Variants in KLHDC3 observed in about 807,000 individuals in gnomAD.
KLHDC3 encodes kelch domain containing 3.
KLHDC3 carries 5 observed loss-of-function variants against 44.1 expected under a neutral mutation model. The ratio of observed to expected loss-of-function variants is 0.11; its 90% CI spans 0.06 to 0.24. KLHDC3 has a LOEUF of 0.24. Among genes scored for constraint, KLHDC3 ranks in the 10% least tolerant of loss-of-function variants. KLHDC3 has a pLI of 1.00. For missense variants in KLHDC3, 247 were observed against 514.3 expected (o/e 0.48, Z 5.03); for synonymous variants, 170 against 189.0 (o/e 0.90, Z 0.82).
Position 43,017,770 on chromosome 6 carries a change from G to A in KLHDC3, c.331+75G>A, listed in dbSNP as rs1373462651. 9 of 1,591,572 alleles carry A rather than the reference G, an allele frequency of 5.7e-6. No individual in the cohort carries two copies. The highest frequency in any genetic ancestry group is 1.7e-4 in the Middle Eastern group (1 of 6,044). On this transcript the variant is annotated intron_variant, in intron 3 of 10. Coordinates refer to ENST00000326974, the MANE Select transcript of KLHDC3 (RefSeq NM_057161.4). The surrounding 1 kb of genome is among the most constrained non-coding windows in gnomAD (Gnocchi z 6.0). ...TGCCCAAGAAAGGTTTGGGTTGGGG[G>A]TCTTGGGGAGTAGAGTACCCCAGAG...
chr6:43,019,533 A>G (rs1365061170), intron 10 of KLHDC3, among the ~76,000 whole-genome samples, 167 bp downstream of exon 10: 2 of 152,200 alleles, frequency 1.3e-5, no homozygotes, highest in Non-Finnish European at 2.9e-5. Context: ...GACAGCCATC[A>G]TATAAAACTG....
Position 43,018,322 on chromosome 6 carries a change from C to T in KLHDC3, c.520-21C>T, listed in dbSNP as rs926943499. On this transcript the variant is annotated intron_variant, in intron 5 of 10. Transcript: ENST00000326974. The surrounding 1 kb of genome is among the most constrained non-coding windows in gnomAD (Gnocchi z 6.0). ...CCAGTCTTTGTGCTGACCCCTCCAC[C>T]ATCTCTCTGCCTCTGCCCAGGGCAG... is the stretch of plus-strand genomic sequence containing the variant. 6.2e-7 allele frequency: 1 copy of T among 1,608,468 alleles called. No homozygotes were observed. The highest frequency in any genetic ancestry group is 1.3e-5 in the African/African-American group (1 of 74,814).
chr6:43,021,067 T>C lies in KLHDC3; in HGVS notation c.*334T>C, dbSNP rs1561860656. On this transcript the variant is annotated 3_prime_UTR_variant, in exon 11 of 11. Transcript: ENST00000326974. ...GGAGAAGGGAGAAGCAAGCAGTGTC[T>C]GAGCCTCAGGAGCTTCCCCCTCCCC... The C allele has an allele frequency of 2.0e-6, 1 of 506,212 alleles. No homozygotes were observed. The highest frequency in any genetic ancestry group is 1.5e-5 in the South Asian group (1 of 65,030). The allele number at this position is 506,212 out of a possible 1,614,324, so 31.4% of individuals were successfully genotyped here.
At position 43,017,144 on chromosome 6, in the gene KLHDC3, C is replaced by T; in HGVS notation, c.-49C>T. On this transcript the variant is annotated 5_prime_UTR_variant, in exon 2 of 11. Transcript: ENST00000326974. This position sits in a 1 kb window ranked among gnomAD's most constrained non-coding sequence, Gnocchi z 6.0. ...CCAATTTGTGTGCAGATAGCAGAGG[C>T]AGCAGGCCGTGCCGGGGGGGCATGT... is the stretch of plus-strand genomic sequence containing the variant. 6.3e-7 allele frequency: 1 copy of T among 1,584,614 alleles called. No individual in the cohort carries two copies. The highest frequency in any genetic ancestry group is 1.1e-5 in the South Asian group (1 of 88,046).
At chr6:43,014,634 T>A in intron 1 of KLHDC3, 1 of 456,326 alleles carries the variant, frequency 2.2e-6, no homozygotes, top group South Asian at 1.5e-5. Context: ...GGGAGGGGTG[T>A]CTGGCGTGGT....
At position 43,021,270 on chromosome 6, in the gene KLHDC3, A is replaced by T. The variant is rs1274022914; in HGVS notation, c.*537A>T. The stretch of plus-strand genomic sequence containing the variant: ...CTGAAGTTCAGCCAGCTCAGATTTT[A>T]TAAAAATTAATTAAAATCTCCAAAC... On this transcript the variant is annotated 3_prime_UTR_variant, in exon 11 of 11. Coordinates refer to ENST00000326974, the MANE Select transcript of KLHDC3 (RefSeq NM_057161.4). 1 of 363,484 alleles carries T rather than the reference A, an allele frequency of 2.8e-6. No individual in the cohort carries two copies. The highest frequency in any genetic ancestry group is 7.5e-5 in the East Asian group (1 of 13,276). The allele number at this position is 363,484 out of a possible 1,614,324, so 22.5% of individuals were successfully genotyped here.
rs17856310 is a variant in KLHDC3 at position 43,020,716 on chromosome 6, G to T, written c.1132G>T (p.Val378Phe). 2 of 1,613,834 alleles carry T rather than the reference G, an allele frequency of 1.2e-6. No individual in the cohort carries two copies. Among genetic ancestry groups the T allele is most frequent in the Non-Finnish European group, 1.7e-6 (2 of 1,179,826 alleles). The change falls in exon 11 of 11, where the codon GTC (valine) becomes TTC (phenylalanine). Residue 378 changes from valine (V) to phenylalanine (F), a missense_variant. Physicochemically the swap from Val to Phe is conservative, Grantham distance 50. Transcript: ENST00000326974. ...CAACAGCAATATCAGTCGCCCCATC[G>T]TCTCCTCCCATGGGTAGGAGGAAGT... ...TTNSNISRPI[V>F]SSHG
chr6:43,014,883 A>G (rs1006854541), intron 1 of KLHDC3, among the ~76,000 whole-genome samples: 3 of 152,202 alleles, frequency 2.0e-5, no homozygotes, highest in Admixed American at 2.0e-4. Context: ...GCGGGTAGAT[A>G]CATTAAGGGA....
chr6:43,015,195 T>G (rs1581874168), intron 1 of KLHDC3, among the ~76,000 whole-genome samples: 1 of 152,008 alleles, frequency 6.6e-6, no homozygotes, highest in African/African-American at 2.4e-5. Flanking sequence ...CAAGATATTT[T>G]GGAGAGCGGG....
chr6:43,020,467 A>G (rs546006706), intron 10 of KLHDC3, among the ~76,000 whole-genome samples, 200 bp from the exon 11 acceptor site: 4 of 152,260 alleles, frequency 2.6e-5, no homozygotes, highest in Admixed American at 2.6e-4. Context: ...GCTTGGAGGT[A>G]GAGGAGTGGG....
At chr6:43,016,564 G>A (rs1273167030) in intron 1 of KLHDC3, 2 of 152,388 alleles carry the variant, frequency 1.3e-5, no homozygotes, top group East Asian at 3.9e-4. Flanking sequence ...GCGGTAACAT[G>A]GAGGTCCCTG....
At chr6:43,016,919 C>G (rs1282569192) in intron 1 of KLHDC3, 1 of 484,478 alleles carries the variant, frequency 2.1e-6, no homozygotes, top group Non-Finnish European at 3.7e-6. Flanking sequence ...CCACCCTTCA[C>G]TGTTGGAGAA....
rs760811335 is a variant in KLHDC3, at chr6:43,021,221, C to A, written c.*488C>A. The A allele has an allele frequency of 3.0e-5, 12 of 401,512 alleles. No homozygotes were observed. Among genetic ancestry groups the A allele is most frequent in the Non-Finnish European group, 5.5e-5 (11 of 200,898 alleles). 24.9% of individuals were successfully genotyped at this position (401,512 alleles called of 1,614,324 possible). Reference sequence around the variant, plus strand: ...GTGGGGACCAGCAGATAAATCCCACCCTTCCTTGAGCTGTCGCTGTACTCT... The same window carrying A: ...GTGGGGACCAGCAGATAAATCCCACACTTCCTTGAGCTGTCGCTGTACTCT... On this transcript the variant is annotated 3_prime_UTR_variant, in exon 11 of 11. Coordinates refer to ENST00000326974, the MANE Select transcript of KLHDC3 (RefSeq NM_057161.4).
Position 43,017,540 on chromosome 6 carries a change from T to C in KLHDC3, c.176T>C (p.Leu59Pro). 6.2e-7 allele frequency: 1 copy of C among 1,605,064 alleles called. No homozygotes were observed. Among genetic ancestry groups the C allele is most frequent in the Non-Finnish European group, 8.5e-7 (1 of 1,174,604 alleles). Residue 59 changes from leucine (L) to proline (P), a missense_variant, in exon 3 of 11, where the codon CTG becomes CCG. This residue lies in a region of KLHDC3 where 71 missense variants were observed against 100.8 expected (regional missense o/e 0.70). Coordinates refer to ENST00000326974, the MANE Select transcript of KLHDC3 (RefSeq NM_057161.4). This position sits in a 1 kb window ranked among gnomAD's most constrained non-coding sequence, Gnocchi z 6.0. ...ACAGTGTCCTTGCGTTGGACAAAGC[T>C]GCCCCCGGTGAAGTCTGCCATCCGT... Reference protein sequence around the residue: ...FNAVSLRWTKLPPVKSAIRGQ... With the variant: ...FNAVSLRWTKPPPVKSAIRGQ...
rs1030424339 is a variant in KLHDC3 at position 43,018,072 on chromosome 6, G to A, written c.448-73G>A. On this transcript the variant is annotated intron_variant, in intron 4 of 10. Transcript: ENST00000326974. This position sits in a 1 kb window ranked among gnomAD's most constrained non-coding sequence, Gnocchi z 6.0. Reference sequence around the variant, plus strand: ...AGGCTTTGGCTTGTTTGCAGGTTTTGAGGGGAGGGATGGAGGGTCAGAGAG... The same window carrying A: ...AGGCTTTGGCTTGTTTGCAGGTTTTAAGGGGAGGGATGGAGGGTCAGAGAG... The A allele has an allele frequency of 5.6e-6, 8 of 1,435,006 alleles. No homozygotes were observed. Among genetic ancestry groups the A allele is most frequent in the Non-Finnish European group, 7.9e-6 (8 of 1,017,344 alleles). The allele number at this position is 1,435,006 out of a possible 1,614,324, so 88.9% of individuals were successfully genotyped here.
rs1261341751 is a variant in KLHDC3 at position 43,017,703 on chromosome 6, T to C, written c.331+8T>C. 2 of 1,609,500 alleles carry C rather than the reference T, an allele frequency of 1.2e-6. No individual in the cohort carries two copies. Among genetic ancestry groups the C allele is most frequent in the Non-Finnish European group, 8.5e-7 (1 of 1,176,926 alleles). On this transcript the variant is annotated splice_region_variant and intron_variant, in intron 3 of 10. Transcript: ENST00000326974. This position sits in a 1 kb window ranked among gnomAD's most constrained non-coding sequence, Gnocchi z 6.0. ...TCTATGCCTTTGACGTCAGTGAGTA[T>C]GGATCTCAGAGAGGCTATGTCCTTC... is the stretch of plus-strand genomic sequence containing the variant.
At position 43,018,139 on chromosome 6, in the gene KLHDC3, A is replaced by G. The variant is rs763306384; in HGVS notation, c.448-6A>G. ...CTTTTCTTCCTCCTTTTCTCTTCCTACTCAGGCGGACTGTTTTTCCAATGA... is the reference window on the plus strand; with the variant it reads ...CTTTTCTTCCTCCTTTTCTCTTCCTGCTCAGGCGGACTGTTTTTCCAATGA... On this transcript the variant is annotated splice_region_variant and splice_polypyrimidine_tract_variant and intron_variant, in intron 4 of 10. Transcript: ENST00000326974. The surrounding 1 kb of genome is among the most constrained non-coding windows in gnomAD (Gnocchi z 6.0). 7.5e-6 allele frequency: 12 copies of G among 1,599,140 alleles called. No individual in the cohort carries two copies. The highest frequency in any genetic ancestry group is 1.7e-4 in the Middle Eastern group (1 of 6,048).
chr6:43,020,466 T>TA (rs1762665126), intron 10 of KLHDC3, among the ~76,000 whole-genome samples: 1 of 151,804 alleles, frequency 6.6e-6, no homozygotes, highest in Admixed American at 6.6e-5. Flanking sequence ...AGCTTGGAGG[T>TA]AGAGGAGTGG....
chr6:43,018,620 T>A lies in KLHDC3; in HGVS notation c.734-13T>A. 1 of 1,613,428 alleles carries A rather than the reference T, an allele frequency of 6.2e-7. No individual in the cohort carries two copies. Among genetic ancestry groups the A allele is most frequent in the Non-Finnish European group, 8.5e-7 (1 of 1,179,406 alleles). ...CCCTCTTCACACTCCTGACACTTCC[T>A]CTCTCCTTCCAGTTGGCTACAATGG... On this transcript the variant is annotated splice_polypyrimidine_tract_variant and intron_variant, in intron 6 of 10. Coordinates refer to ENST00000326974, the MANE Select transcript of KLHDC3 (RefSeq NM_057161.4). The surrounding 1 kb of genome is among the most constrained non-coding windows in gnomAD (Gnocchi z 6.0).
Sources: allele counts gnomAD v4.1 joint callset (sites outside exome capture counted in the v4.1 genomes callset), GRCh38; gene constraint gnomAD v4.1.1; regional missense constraint gnomAD v4.1.1; non-coding constraint Gnocchi (gnomAD v3.1); transcripts MANE v1.5; gene names NCBI Gene and HGNC (gene_info 2026-07-23, HGNC 2026-07-21).